TET2: variants seen among roughly 807,000 people sequenced by gnomAD.
TET2 encodes the protein tet methylcytosine dioxygenase 2.
A neutral mutation model predicts 142.9 loss-of-function variants in TET2; 299 were observed. The observed-to-expected ratio is 2.09, with a 90% CI of 1.90 to 2.30. The LOEUF (loss-of-function observed/expected upper bound fraction) is 2.30, where lower values mean the gene tolerates loss of function less well. TET2 is among the 30% of genes most tolerant of loss of function. TET2 has a pLI of 0.00. For missense variants in TET2, 2,418 were observed against 2,378.0 expected (o/e 1.02, Z -0.35); for synonymous variants, 819 against 849.0 (o/e 0.96, Z 0.61).
At position 105,240,994 on chromosome 4, in the gene TET2, T is replaced by A. The variant is rs923989883; in HGVS notation, c.3410-345T>A. ...TTCCAGTTAGCTTTAAATGTTTTTT[T>A]TTTCCAGCTCAAAAAATTGGATTGT... On this transcript the variant is annotated intron_variant, in intron 3 of 10. Coordinates refer to ENST00000380013, the MANE Select transcript of TET2 (RefSeq NM_001127208.3). 11 of 1,087,518 alleles carry A rather than the reference T, an allele frequency of 1.0e-5. No homozygotes were observed. In the East Asian group the frequency reaches 5.5e-4, roughly 54 times the overall value. The allele number at this position is 1,087,518 out of a possible 1,614,324, so 67.4% of individuals were successfully genotyped here. A position where few individuals can be genotyped will look rare whatever the true frequency, so the allele number is the denominator to read the frequency against.
rs1254985668 is a variant in TET2, at chr4:105,269,558, TGTAAGA to T, written c.4045-47_4045-42del. 1.2e-4 allele frequency: 183 copies of T among 1,539,054 alleles called. 1 individual carries two copies. The highest frequency in any genetic ancestry group is 6.9e-5 in the Non-Finnish European group (78 of 1,136,394). On this transcript the variant is annotated intron_variant, in intron 8 of 10. Coordinates refer to ENST00000380013, the MANE Select transcript of TET2 (RefSeq NM_001127208.3). ...GGTCTAAATACTAGTGAGTTTTCGG[TGTAAGA>T]GTAAAACTAACTACTTTCGCATTCA...
chr4:105,165,775 C>G (rs1314544542), intron 1 of TET2, among the ~76,000 whole-genome samples: 1 of 152,146 alleles, frequency 6.6e-6, no homozygotes, highest in Non-Finnish European at 1.5e-5. Context: ...TGCTTAGTTT[C>G]CACAGTGACT....
Position 105,243,784 on chromosome 4 carries a change from T to G in TET2, c.3803+6T>G, listed in dbSNP as rs1338024922. ...CGGTGTGCCTTGAATGAAGAGTAAG[T>G]GAAGCCCAGGGCCTCTCCCCTCTTT... On this transcript the variant is annotated splice_donor_region_variant and intron_variant, in intron 6 of 10. Coordinates refer to ENST00000380013, the MANE Select transcript of TET2 (RefSeq NM_001127208.3). The G allele has an allele frequency of 6.4e-7, 1 of 1,551,042 alleles. No individual in the cohort carries two copies. Among genetic ancestry groups the G allele is most frequent in the Non-Finnish European group, 8.7e-7 (1 of 1,146,544 alleles).
chr4:105,189,710 T>A (rs1276926865), intron 1 of TET2, among the ~76,000 whole-genome samples: 1 of 152,226 alleles, frequency 6.6e-6, no homozygotes, highest in African/African-American at 2.4e-5. Context: ...GTTATGTTTT[T>A]AAAGTAGGTA....
chr4:105,225,777 A>C (rs1319001391), intron 2 of TET2, among the ~76,000 whole-genome samples: 1 of 152,080 alleles, frequency 6.6e-6, no homozygotes, highest in African/African-American at 2.4e-5. Context: ...AAATAAATGA[A>C]CTAATGTGTC....
intron 8 of TET2, among the ~76,000 whole-genome samples, chr4:105,267,990 A>G (rs1471022252): frequency 1.3e-5 from 2 of 152,176 alleles, no homozygotes; most frequent in African/African-American, 4.8e-5. Flanking sequence ...TAGTGGTGAA[A>G]GACTAATACT....
At chr4:105,150,402 C>G (rs560273061) in intron 1 of TET2, among the ~76,000 whole-genome samples, 2 of 152,282 alleles carry the variant, frequency 1.3e-5, no homozygotes, top group South Asian at 4.1e-4. Context: ...AAAGAGTCAT[C>G]TTTGTTATAT....
intron 6 of TET2, among the ~76,000 whole-genome samples, chr4:105,254,652 T>C (rs536973646): frequency 1.6e-4 from 24 of 152,268 alleles, no homozygotes; most frequent in Middle Eastern, 3.4e-3. Flanking sequence ...ACTCAAGCAA[T>C]CTGCCTGCCT....
intron 6 of TET2, among the ~76,000 whole-genome samples, chr4:105,252,665 A>G (rs1729930382): frequency 6.6e-6 from 1 of 152,192 alleles, no homozygotes. Context: ...AGTCTAGGTT[A>G]TCAGTTAATT....
rs1185187649 is a variant in TET2, at chr4:105,278,795, G to A, written c.*2276G>A. 2 of 232,926 alleles carry A rather than the reference G, an allele frequency of 8.6e-6. No homozygotes were observed. Among genetic ancestry groups the A allele is most frequent in the Non-Finnish European group, 1.7e-5 (2 of 117,928 alleles). 14.4% of individuals were successfully genotyped at this position (232,926 alleles called of 1,614,324 possible). ...GGGAAAAATTGTAAGGCAGGAGTTT[G>A]GCAAGTGGCTGTTGGCCAGAGACTT... On this transcript the variant is annotated 3_prime_UTR_variant, in exon 11 of 11. Coordinates refer to ENST00000380013, the MANE Select transcript of TET2 (RefSeq NM_001127208.3).
intron 2 of TET2, among the ~76,000 whole-genome samples, chr4:105,208,207 T>C (rs977414052): frequency 6.6e-6 from 1 of 152,126 alleles, no homozygotes; most frequent in Non-Finnish European, 1.5e-5. Context: ...TAAATTCTCA[T>C]GTTTTTAAGG....
At chr4:105,157,618 A>T (rs536253186) in intron 1 of TET2, among the ~76,000 whole-genome samples, 20 of 152,330 alleles carry the variant, frequency 1.3e-4, no homozygotes, top group Middle Eastern at 3.4e-3. Context: ...ATTTCTACTG[A>T]AAAGCAAACT....
chr4:105,278,967 C>T lies in TET2; in HGVS notation c.*2448C>T, dbSNP rs575606619. 6 of 232,820 alleles carry T rather than the reference C, an allele frequency of 2.6e-5. No homozygotes were observed. The highest frequency in any genetic ancestry group is 5.1e-5 in the Non-Finnish European group (6 of 117,800). The allele number at this position is 232,820 out of a possible 1,614,324, so 14.4% of individuals were successfully genotyped here. A position where few individuals can be genotyped will look rare whatever the true frequency, so the allele number is the denominator to read the frequency against. The stretch of plus-strand genomic sequence containing the variant: ...ACATTTTGGCCTAAATACATTTTTG[C>T]TTACTAGTATTTAAAATAAATTCTT... On this transcript the variant is annotated 3_prime_UTR_variant, in exon 11 of 11. Coordinates refer to ENST00000380013, the MANE Select transcript of TET2 (RefSeq NM_001127208.3).
chr4:105,186,539 G>A (rs536970424), intron 1 of TET2, among the ~76,000 whole-genome samples: 1 of 146,748 alleles, frequency 6.8e-6, no homozygotes, highest in Non-Finnish European at 1.5e-5. Flanking sequence ...GCAGTGGTGC[G>A]ATCTCAGCTT....
Position 105,231,805 on chromosome 4 carries a change from A to T in TET2, c.-46-2092A>T, listed in dbSNP as rs1728520309. On this transcript the variant is annotated intron_variant, in intron 2 of 10. Coordinates refer to ENST00000380013, the MANE Select transcript of TET2 (RefSeq NM_001127208.3). ...AGCAGACACCTTATACAATGGATTAATTTTTTTAGTGCCATTTCTTCTGGC... is the reference window on the plus strand; with the variant it reads ...AGCAGACACCTTATACAATGGATTATTTTTTTTAGTGCCATTTCTTCTGGC... Among the ~76,000 whole-genome samples, 4 of 152,146 alleles carry T rather than the reference A, an allele frequency of 2.6e-5. No homozygotes were observed. The South Asian group carries it at 6.2e-4, about 24-fold the overall frequency.
rs181409971 is a variant in TET2 at position 105,168,498 on chromosome 4, C to A, written c.-193+21519C>A. Among the ~76,000 whole-genome samples, 780 of 152,118 alleles carry A rather than the reference C, an allele frequency of 5.1e-3. 6 individuals carry two copies. The highest frequency in any genetic ancestry group is 0.018 in the African/African-American group (742 of 41,512). ...CCTTCTAATCTCTCCTTGAGTGTTA[C>A]TTTTTCAGAGATAAATTCCCTAACC... On this transcript the variant is annotated intron_variant, in intron 1 of 10. Coordinates refer to ENST00000380013, the MANE Select transcript of TET2 (RefSeq NM_001127208.3).
At chr4:105,186,922 C>T (rs564632811) in intron 1 of TET2, among the ~76,000 whole-genome samples, 1 of 152,324 alleles carries the variant, frequency 6.6e-6, no homozygotes, top group East Asian at 1.9e-4. Context: ...GAACTATATT[C>T]TAGCAAGAGA....
intron 1 of TET2, among the ~76,000 whole-genome samples, chr4:105,179,885 G>A (rs1367674477): frequency 6.6e-6 from 1 of 152,186 alleles, no homozygotes; most frequent in African/African-American, 2.4e-5. Context: ...CCACTATTAG[G>A]TTCTGGAGTA....
At chr4:105,189,654 C>T (rs141849432) in intron 1 of TET2, among the ~76,000 whole-genome samples, 1 of 152,280 alleles carries the variant, frequency 6.6e-6, no homozygotes, top group African/African-American at 2.4e-5. Context: ...TTATTTGTAG[C>T]ACCCAATATT....
Sources: allele counts gnomAD v4.1 joint callset (sites outside exome capture counted in the v4.1 genomes callset), GRCh38; gene constraint gnomAD v4.1.1; transcripts MANE v1.5; gene names NCBI Gene and HGNC (gene_info 2026-07-23, HGNC 2026-07-21).